The following CASZ1 variants were observed in gnomAD, a reference collection of about 807,000 sequenced individuals.
CASZ1 encodes the protein zinc finger protein castor homolog 1.
Under a neutral mutation model 135.2 loss-of-function variants are expected in CASZ1, and 28 were observed. That is an observed-to-expected ratio of 0.21 (90% CI 0.15 to 0.28). CASZ1 has a LOEUF of 0.28. CASZ1 is among the 10% of genes least tolerant of loss of function. The pLI is 1.00. For synonymous variants in CASZ1, 1,068 were observed against 1,073.4 expected (o/e 0.99, Z 0.10); for missense variants, 2,161 against 2,453.3 (o/e 0.88, Z 2.52).
At chr1:10,652,523 C>T (rs1017410963) in intron 11 of CASZ1, 1 of 152,232 alleles carries the variant, frequency 6.6e-6, no homozygotes, top group African/African-American at 2.4e-5. Flanking sequence ...TAGGAACTAC[C>T]CAGAGCAGGG....
At position 10,666,937 on chromosome 1, in the gene CASZ1, A is replaced by T. The variant is rs1480516115; in HGVS notation, c.17-1366T>A. 2.0e-5 allele frequency among the ~76,000 whole-genome samples: 3 copies of T among 152,218 alleles called. No homozygotes were observed. The highest frequency in any genetic ancestry group is 7.2e-5 in the African/African-American group (3 of 41,456). ...GGCCACAGCAGCAGGGGCTCGGCTC[A>T]CACTCACTGTGTACAAAACAAAATG... On this transcript the variant is annotated intron_variant, in intron 4 of 20. Transcript: ENST00000377022. This position sits in a 1 kb window ranked among gnomAD's most constrained non-coding sequence, Gnocchi z 5.2.
rs184103932 is a variant in CASZ1, at chr1:10,653,942, C to T, written c.2115G>A (p.Leu705=). 6.2e-7 allele frequency: 1 copy of T among 1,613,586 alleles called. No individual in the cohort carries two copies. The highest frequency in any genetic ancestry group is 8.5e-7 in the Non-Finnish European group (1 of 1,179,716). The part of the protein sequence containing the change: ...RHIRSSGALG[L]PPSLLGAKDT... ...CCTTGGCGCCCAGCAGCGAGGGCGG[C>T]AGCCCCAGCGCGCCCGAGGAGCGGA... The change falls in exon 11 of 21, where the codon CTG becomes CTA. Residue 705 remains leucine (L), a synonymous_variant. Coordinates refer to ENST00000377022, the MANE Select transcript of CASZ1 (RefSeq NM_001079843.3).
chr1:10,720,287 GTCA>G lies in CASZ1; in HGVS notation c.-76-14746_-76-14744del, dbSNP rs1639474067. On this transcript the variant is annotated intron_variant, in intron 2 of 20. Transcript: ENST00000377022. The surrounding 1 kb of genome is among the most constrained non-coding windows in gnomAD (Gnocchi z 5.7). Reference sequence around the variant, plus strand: ...TTTCTATGTGGAAAATGTGGTGCCAGTCATCATTGTGATCATTGTCATCATCAT... The same window carrying G: ...TTTCTATGTGGAAAATGTGGTGCCAGTCATTGTGATCATTGTCATCATCAT... Among the ~76,000 whole-genome samples the G allele has an allele frequency of 1.3e-5, 2 of 152,256 alleles. No homozygotes were observed. The highest frequency in any genetic ancestry group is 4.1e-4 in the South Asian group (2 of 4,830).
intron 20 of CASZ1, among the ~76,000 whole-genome samples, chr1:10,641,208 A>C (rs1024593506): frequency 2.0e-5 from 3 of 152,256 alleles, no homozygotes; most frequent in African/African-American, 7.2e-5. Context: ...GCACCCAGGC[A>C]GGGGGCAAGG....
rs1312134505 is a variant in CASZ1 at position 10,759,438 on chromosome 1, C to T, written c.-77+1263G>A. 1.3e-5 allele frequency among the ~76,000 whole-genome samples: 2 copies of T among 152,184 alleles called. No individual in the cohort carries two copies. The highest frequency in any genetic ancestry group is 3.8e-4 in the East Asian group (2 of 5,200). Reference sequence around the variant, plus strand: ...GCACATCCTAAGTACGACAGACCAACTTCAGGAGCATGATCACCTTCTGCA... The same window carrying T: ...GCACATCCTAAGTACGACAGACCAATTTCAGGAGCATGATCACCTTCTGCA... On this transcript the variant is annotated intron_variant, in intron 2 of 20. Transcript: ENST00000377022. This position sits in a 1 kb window ranked among gnomAD's most constrained non-coding sequence, Gnocchi z 4.2.
intron 2 of CASZ1, among the ~76,000 whole-genome samples, chr1:10,708,791 T>G (rs1639225420): frequency 6.7e-6 from 1 of 148,760 alleles, no homozygotes; most frequent in South Asian, 2.1e-4. Context: ...GAGGAGAGAG[T>G]GAAAGACAGA....
At position 10,659,917 on chromosome 1, in the gene CASZ1, C is replaced by A. The variant is rs1642955885; in HGVS notation, c.1125G>T (p.Lys375Asn). 2 of 1,611,908 alleles carry A rather than the reference C, an allele frequency of 1.2e-6. No homozygotes were observed. The highest frequency in any genetic ancestry group is 1.3e-5 in the African/African-American group (1 of 74,866). Residue 375 changes from lysine to asparagine, a missense_variant, in exon 6 of 21, where the codon AAG becomes AAT. Coordinates refer to ENST00000377022, the MANE Select transcript of CASZ1 (RefSeq NM_001079843.3). ...FKTGKVGRPS[K>N]YDVRGIQKPG... is the part of the protein sequence containing the mutation. ...GCTTCTGGATGCCCCGGACGTCGTA[C>A]TTGGAAGGGCGCCCCACCTTGCCTG...
At chr1:10,744,369 G>A (rs1408453552) in intron 2 of CASZ1, among the ~76,000 whole-genome samples, 1 of 149,900 alleles carries the variant, frequency 6.7e-6, no homozygotes, top group East Asian at 2.0e-4. Flanking sequence ...GCATGTCCTG[G>A]GCACCACGAG....
At position 10,719,636 on chromosome 1, in the gene CASZ1, ACT is replaced by A. The variant is rs1490058947; in HGVS notation, c.-76-14094_-76-14093del. 6.6e-6 allele frequency among the ~76,000 whole-genome samples: 1 copy of A among 152,134 alleles called. No individual in the cohort carries two copies. The highest frequency in any genetic ancestry group is 1.5e-5 in the Non-Finnish European group (1 of 68,020). ...GGGGGCTCAGGTGAGCAGATGCATG[ACT>A]CAATTCAACCAGGGAGCTGGGCCAT... On this transcript the variant is annotated intron_variant, in intron 2 of 20. Transcript: ENST00000377022. This position sits in a 1 kb window ranked among gnomAD's most constrained non-coding sequence, Gnocchi z 4.0.
chr1:10,686,006 G>C (rs977724810), intron 4 of CASZ1, among the ~76,000 whole-genome samples: 3 of 152,194 alleles, frequency 2.0e-5, no homozygotes, highest in African/African-American at 7.2e-5. Context: ...ACACAAACCA[G>C]CTCCAGCTGG....
intron 1 of CASZ1, among the ~76,000 whole-genome samples, chr1:10,796,061 G>A (rs1032320688): frequency 4.6e-5 from 7 of 152,114 alleles, no homozygotes; most frequent in African/African-American, 1.4e-4. Flanking sequence ...CTGGGGGGTG[G>A]GGTGGGGTGG....
chr1:10,677,735 A>C (rs1638268665), intron 4 of CASZ1, among the ~76,000 whole-genome samples: 1 of 152,238 alleles, frequency 6.6e-6, no homozygotes, highest in Admixed American at 6.5e-5. Flanking sequence ...ATCCAATGCT[A>C]CACATTTCTG....
Position 10,739,465 on chromosome 1 carries a change from C to G in CASZ1, c.-77+21236G>C, listed in dbSNP as rs1286692958. The stretch of plus-strand genomic sequence containing the variant: ...CCCACACAAGGGCGGTCTGCTCTCA[C>G]TCCCCTCGCTGCTCTGTAATTAAGC... On this transcript the variant is annotated intron_variant, in intron 2 of 20. Transcript: ENST00000377022. The surrounding 1 kb of genome is among the most constrained non-coding windows in gnomAD (Gnocchi z 4.8). Among the ~76,000 whole-genome samples the G allele has an allele frequency of 1.3e-5, 2 of 152,174 alleles. No homozygotes were observed. The highest frequency in any genetic ancestry group is 2.4e-5 in the African/African-American group (1 of 41,426).
At chr1:10,754,490 A>C (rs1188645533) in intron 2 of CASZ1, among the ~76,000 whole-genome samples, 4 of 152,140 alleles carry the variant, frequency 2.6e-5, no homozygotes, top group Admixed American at 6.5e-5. Context: ...CCCTGGCCCA[A>C]CCCAGTGGGC....
At position 10,669,146 on chromosome 1, in the gene CASZ1, G is replaced by A. The variant is rs143836782; in HGVS notation, c.17-3575C>T. Among the ~76,000 whole-genome samples the A allele has an allele frequency of 3.5e-4, 54 of 152,314 alleles. No homozygotes were observed. The East Asian group carries it at 7.7e-3, about 22-fold the overall frequency. On this transcript the variant is annotated intron_variant, in intron 4 of 20. Transcript: ENST00000377022. ...CGGGCACTAAGGCATGACTTGTAACGGCCCAGCGGAGCCGGCACTGTCATT... is the reference window on the plus strand; with the variant it reads ...CGGGCACTAAGGCATGACTTGTAACAGCCCAGCGGAGCCGGCACTGTCATT...
At chr1:10,780,821 C>T (rs757934869) in intron 1 of CASZ1, among the ~76,000 whole-genome samples, 1 of 152,166 alleles carries the variant, frequency 6.6e-6, no homozygotes, top group African/African-American at 2.4e-5. Context: ...GACTGAACCT[C>T]TCAGAGCCTC....
chr1:10,682,384 T>G (rs1615777), intron 4 of CASZ1, among the ~76,000 whole-genome samples: 10,316 of 148,956 alleles, frequency 0.069, 898 homozygotes, highest in African/African-American at 0.21. Context: ...GAGGGAGGAG[T>G]GTCTGTGGAT....
intron 9 of CASZ1, among the ~76,000 whole-genome samples, chr1:10,655,214 G>A (rs1330270862): frequency 6.6e-6 from 1 of 152,190 alleles, no homozygotes; most frequent in African/African-American, 2.4e-5. Context: ...CAAATACCGG[G>A]GGAGGCATAG....
At chr1:10,658,626 G>C (rs373343241) in intron 6 of CASZ1, 50 bp from the exon 7 acceptor site, 8 of 1,524,624 alleles carry the variant, frequency 5.2e-6, no homozygotes, top group Non-Finnish European at 7.3e-6. Flanking sequence ...GGGCAGCCTC[G>C]TGTTACAGGG....
Sources: gnomAD v4.1 joint callset for allele counts (sites outside exome capture counted in the v4.1 genomes callset) on GRCh38, gnomAD v4.1.1 for gene constraint, Gnocchi (gnomAD v3.1) non-coding constraint, MANE v1.5 for transcripts, NCBI Gene and HGNC (gene_info 2026-07-23, HGNC 2026-07-21) for gene names.